SYT2: variants seen among roughly 807,000 people sequenced by gnomAD.
SYT2 encodes synaptotagmin 2.
Under a neutral mutation model 39.9 loss-of-function variants are expected in SYT2, and 15 were observed. That is an observed-to-expected ratio of 0.38 (90% CI 0.25 to 0.58). SYT2 has a LOEUF of 0.58. Among genes scored for constraint, SYT2 ranks in the 20% least tolerant of loss-of-function variants. The probability of loss-of-function intolerance (pLI) is 0.70; values close to 1 mark genes in which losing one functional copy is unlikely to be tolerated. For synonymous variants in SYT2, 181 were observed against 204.5 expected, an observed-to-expected ratio of 0.89 and a Z score of 0.98; for missense variants, 389 against 530.3, an observed-to-expected ratio of 0.73 and a Z score of 2.62.
chr1:202,635,669 C>T lies in SYT2; in HGVS notation c.-17-29880G>A, dbSNP rs148158910. Reference sequence around the variant, plus strand: ...AAGTGGCCCTCCCTCTCCTTACGTACAACTCACCCCAGATGACCAGGTGGG... The same window carrying T: ...AAGTGGCCCTCCCTCTCCTTACGTATAACTCACCCCAGATGACCAGGTGGG... On this transcript the variant is annotated intron_variant, in intron 1 of 8. Transcript: ENST00000367268. Among the ~76,000 whole-genome samples the T allele has an allele frequency of 5.9e-5, 9 of 152,298 alleles. No homozygotes were observed. The East Asian group carries it at 1.4e-3, about 23-fold the overall frequency.
At chr1:202,619,421 G>T (rs1329948577) in intron 1 of SYT2, among the ~76,000 whole-genome samples, 1 of 152,230 alleles carries the variant, frequency 6.6e-6, no homozygotes, top group African/African-American at 2.4e-5. Context: ...ACAGGTCAAG[G>T]TCTGAAGAGG....
intron 1 of SYT2, among the ~76,000 whole-genome samples, chr1:202,669,480 T>C (rs1365897409): frequency 6.6e-6 from 1 of 151,656 alleles, no homozygotes; most frequent in Non-Finnish European, 1.5e-5. Flanking sequence ...TAAAACCCCA[T>C]CTCTACTAAA....
chr1:202,665,957 T>A (rs997290237), intron 1 of SYT2, among the ~76,000 whole-genome samples: 1 of 152,060 alleles, frequency 6.6e-6, no homozygotes, highest in Non-Finnish European at 1.5e-5. Flanking sequence ...ATCGAGACCA[T>A]CCTGGCTAAC....
At chr1:202,650,436 T>TC (rs1298629917) in intron 1 of SYT2, among the ~76,000 whole-genome samples, 3 of 52,328 alleles carry the variant, frequency 5.7e-5, no homozygotes, top group Non-Finnish European at 1.2e-4. Flanking sequence ...TTTCATATGC[T>TC]TTTGTTTTTT....
intron 1 of SYT2, among the ~76,000 whole-genome samples, chr1:202,644,451 A>AGG (rs1305369847): frequency 1.3e-5 from 2 of 152,008 alleles, no homozygotes; most frequent in Admixed American, 1.3e-4. Flanking sequence ...CTTGGGCCTC[A>AGG]CCCTCAACCC....
chr1:202,691,732 GGAGAGAGAGA>G (rs1164044356), intron 1 of SYT2, among the ~76,000 whole-genome samples: 2 of 8,320 alleles, frequency 2.4e-4, no homozygotes, highest in African/African-American at 4.4e-4. Context: ...GGAGAGGGGG[GGAGAGAGAGA>G]GAGAGAGAGA....
chr1:202,604,681 G>C, intron 2 of SYT2, 60 bp from the exon 3 acceptor site: 1 of 1,532,260 alleles, frequency 6.5e-7, no homozygotes, highest in Non-Finnish European at 8.9e-7. Context: ...CCCTGACCCC[G>C]TAGCATTGGG....
At chr1:202,692,242 G>A (rs182589740) in intron 1 of SYT2, among the ~76,000 whole-genome samples, 7 of 152,086 alleles carry the variant, frequency 4.6e-5, no homozygotes, top group East Asian at 3.9e-4. Context: ...CCCTCCAGGC[G>A]TGCTTATTCA....
intron 1 of SYT2, among the ~76,000 whole-genome samples, chr1:202,664,245 C>T (rs929481579): frequency 6.6e-6 from 1 of 152,122 alleles, no homozygotes; most frequent in Non-Finnish European, 1.5e-5. Flanking sequence ...CCAGCTCATG[C>T]CTCTCATTCT....
chr1:202,702,375 T>G (rs978926721), intron 1 of SYT2, among the ~76,000 whole-genome samples: 2 of 152,236 alleles, frequency 1.3e-5, no homozygotes, highest in Non-Finnish European at 2.9e-5. Flanking sequence ...AGGATTGATT[T>G]GGAAACAGGG....
intron 1 of SYT2, among the ~76,000 whole-genome samples, chr1:202,622,300 G>A (rs1410585946): frequency 6.6e-6 from 1 of 152,194 alleles, no homozygotes; most frequent in African/African-American, 2.4e-5. Flanking sequence ...AGCTCATTCT[G>A]AAAATAAGTT....
In SYT2 at chr1:202,631,263, A is replaced by G. The variant is rs559314783; in HGVS notation, c.-17-25474T>C. On this transcript the variant is annotated intron_variant, in intron 1 of 8. Coordinates refer to ENST00000367268, the MANE Select transcript of SYT2 (RefSeq NM_177402.5). ...CAGGGAGTTCCAGTTCACCCTACAG[A>G]TGACCCCTGCTTGGAGCTGTGACTA... is the stretch of plus-strand genomic sequence containing the variant. 8.5e-5 allele frequency among the ~76,000 whole-genome samples: 13 copies of G among 152,182 alleles called. No homozygotes were observed. In the East Asian group the frequency reaches 1.9e-3, roughly 23 times the overall value.
At chr1:202,602,695 G>A (rs974960618) in intron 4 of SYT2, 150 bp from the exon 5 acceptor site, 2 of 814,532 alleles carry the variant, frequency 2.5e-6, no homozygotes, top group Non-Finnish European at 3.8e-6. Flanking sequence ...AGGAAGATTG[G>A]TCTCCATTTC....
In SYT2 at chr1:202,699,739, T is replaced by C. The variant is rs115480723; in HGVS notation, c.-18+10519A>G. Among the ~76,000 whole-genome samples, 291 of 152,180 alleles carry C rather than the reference T, an allele frequency of 1.9e-3. 1 individual carries two copies. The highest frequency in any genetic ancestry group is 6.7e-3 in the African/African-American group (277 of 41,520). The stretch of plus-strand genomic sequence containing the variant: ...GTTATAAAGAAAAAATGACAGAATA[T>C]ACAGGGAGCTTTTTTATCCAGTGTA... On this transcript the variant is annotated intron_variant, in intron 1 of 8. Transcript: ENST00000367268.
intron 1 of SYT2, among the ~76,000 whole-genome samples, chr1:202,704,883 A>T (rs1654209717): frequency 6.6e-6 from 1 of 152,210 alleles, no homozygotes; most frequent in Non-Finnish European, 1.5e-5. Context: ...GGTGTTCCTG[A>T]AGGAGGTGCC....
At chr1:202,690,845 C>T (rs1653800183) in intron 1 of SYT2, among the ~76,000 whole-genome samples, 1 of 152,108 alleles carries the variant, frequency 6.6e-6, no homozygotes, top group Admixed American at 6.5e-5. Context: ...AAGATAAGAT[C>T]CTCTCTAAGA....
rs147837499 is a variant in SYT2, at chr1:202,624,254, C to T, written c.-17-18465G>A. Among the ~76,000 whole-genome samples, 1,002 of 143,844 alleles carry T rather than the reference C, an allele frequency of 7.0e-3. 8 individuals are homozygous for T. Among genetic ancestry groups the T allele is most frequent in the African/African-American group, 0.025 (947 of 38,202 alleles). 94.4% of individuals were successfully genotyped at this position (143,844 alleles called of 152,430 possible). A position where few individuals can be genotyped will look rare whatever the true frequency, so the allele number is the denominator to read the frequency against. On this transcript the variant is annotated intron_variant, in intron 1 of 8. Transcript: ENST00000367268. Reference sequence around the variant, plus strand: ...ATGTGTAGTGTGTGTGATGTGGGCGCTAGGGTGTGGGGGACAGTGGGGTGT... The same window carrying T: ...ATGTGTAGTGTGTGTGATGTGGGCGTTAGGGTGTGGGGGACAGTGGGGTGT...
intron 6 of SYT2, among the ~76,000 whole-genome samples, chr1:202,600,873 C>T (rs905635413): frequency 6.6e-6 from 1 of 152,190 alleles, no homozygotes; most frequent in Non-Finnish European, 1.5e-5. Flanking sequence ...GGGTTAGCCA[C>T]GTGTCCACCA....
chr1:202,619,214 G>A (rs1024697871), intron 1 of SYT2, among the ~76,000 whole-genome samples: 6 of 152,212 alleles, frequency 3.9e-5, no homozygotes, highest in South Asian at 2.1e-4. Flanking sequence ...CAGTCCCGGG[G>A]AGAGCAGCCA....
Sources: gnomAD v4.1 joint callset for allele counts (sites outside exome capture counted in the v4.1 genomes callset) on GRCh38, gnomAD v4.1.1 for gene constraint, MANE v1.5 for transcripts, NCBI Gene and HGNC (gene_info 2026-07-23, HGNC 2026-07-21) for gene names.